NAF1: variants seen among roughly 807,000 people sequenced by gnomAD.
The protein encoded by NAF1 is H/ACA ribonucleoprotein complex non-core subunit NAF1.
NAF1 carries 11 observed loss-of-function variants against 40.6 expected under a neutral mutation model. That is an observed-to-expected ratio of 0.27 (90% CI 0.17 to 0.45). The LOEUF (loss-of-function observed/expected upper bound fraction) is 0.45, where lower values mean the gene tolerates loss of function less well. Among genes scored for constraint, NAF1 ranks in the 20% least tolerant of loss-of-function variants. The probability of loss-of-function intolerance (pLI) is 1.00; values close to 1 mark genes in which losing one functional copy is unlikely to be tolerated. For missense variants in NAF1, 607 were observed against 611.1 expected (o/e 0.99, Z 0.07); for synonymous variants, 260 against 228.5 (o/e 1.14, Z -1.24).
chr4:163,132,313 C>T (rs1730904343), intron 7 of NAF1, among the ~76,000 whole-genome samples: 3 of 152,118 alleles, frequency 2.0e-5, no homozygotes. Flanking sequence ...ATGGAAACAA[C>T]CTAGATGTCC....
chr4:163,150,836 A>G (rs977728573), intron 2 of NAF1, among the ~76,000 whole-genome samples: 1 of 152,146 alleles, frequency 6.6e-6, no homozygotes, highest in African/African-American at 2.4e-5. Context: ...TTTGACAGTT[A>G]CTGCTAAATT....
downstream of NAF1, among the ~76,000 whole-genome samples, chr4:163,126,352 G>C (rs562248423): frequency 6.6e-6 from 1 of 152,240 alleles, no homozygotes; most frequent in South Asian, 2.1e-4. Context: ...ATATTAACAG[G>C]AGTTTGGGAG....
At chr4:163,109,099 A>G (rs1031286322), downstream of NAF1, among the ~76,000 whole-genome samples, 17 of 151,970 alleles carry the variant, frequency 1.1e-4, no homozygotes, top group Non-Finnish European at 1.6e-4. Flanking sequence ...TGAGGAGCAG[A>G]AACAAGCTTT....
At position 163,128,855 on chromosome 4, in the gene NAF1, A is replaced by G; in HGVS notation, c.*42T>C. ...CTTGAAAAAAAAAAATCCTTACCAC[A>G]TAATATGAAAAGTCCACATTTCTCT... On this transcript the variant is annotated 3_prime_UTR_variant, in exon 8 of 8. Coordinates refer to ENST00000274054, the MANE Select transcript of NAF1 (RefSeq NM_138386.3). The G allele has an allele frequency of 2.0e-6, 3 of 1,476,676 alleles. No homozygotes were observed. Among genetic ancestry groups the G allele is most frequent in the Non-Finnish European group, 2.7e-6 (3 of 1,111,800 alleles). The allele number at this position is 1,476,676 out of a possible 1,614,324, so 91.5% of individuals were successfully genotyped here. A position where few individuals can be genotyped will look rare whatever the true frequency, so the allele number is the denominator to read the frequency against.
chr4:163,142,614 T>C (rs1257346817), intron 4 of NAF1, among the ~76,000 whole-genome samples: 2 of 152,208 alleles, frequency 1.3e-5, no homozygotes, highest in Non-Finnish European at 2.9e-5. Context: ...TATAAAGTTT[T>C]AAGTAAAACA....
rs555332893 is a variant in NAF1 at position 163,166,354 on chromosome 4, G to A, written c.365+9C>T. 80 of 1,580,858 alleles carry A rather than the reference G, an allele frequency of 5.1e-5. 1 individual carries two copies. The African/African-American group carries it at 9.1e-4, about 18-fold the overall frequency. On this transcript the variant is annotated intron_variant, in intron 1 of 7. Coordinates refer to ENST00000274054, the MANE Select transcript of NAF1 (RefSeq NM_138386.3). ...CTCCCCACAGCTCCGGGTCCCTTAG[G>A]CACCCGACCTGTCCGAGTCCGAATC...
At chr4:163,161,177 A>G (rs1000327065) in intron 2 of NAF1, among the ~76,000 whole-genome samples, 1 of 152,198 alleles carries the variant, frequency 6.6e-6, no homozygotes. Context: ...AGCTAGAATT[A>G]AAAAGATCAA....
chr4:163,137,052 G>A, intron 6 of NAF1, 147 bp downstream of exon 6: 1 of 856,730 alleles, frequency 1.2e-6, no homozygotes, highest in East Asian at 3.0e-5. Flanking sequence ...ATCTAGGACG[G>A]TGAGAGAATA....
downstream of NAF1, among the ~76,000 whole-genome samples, chr4:163,109,188 T>A (rs74533069): frequency 0.025 from 3,720 of 151,028 alleles, 84 homozygotes; most frequent in Non-Finnish European, 0.04. Context: ...ACATGGAAAC[T>A]TAATCTTGGA....
chr4:163,155,674 C>T (rs2111023633), intron 2 of NAF1, among the ~76,000 whole-genome samples: 1 of 152,302 alleles, frequency 6.6e-6, no homozygotes, highest in South Asian at 2.1e-4. Context: ...CCTGAAAACA[C>T]ACCTGCTGCC....
downstream of NAF1, chr4:163,127,172 C>A (rs1730685081): frequency 3.3e-6 from 5 of 1,524,316 alleles, no homozygotes; most frequent in South Asian, 1.3e-5. Flanking sequence ...CTCTGCCACC[C>A]AGGCTGGAGT....
At chr4:163,144,102 T>C in intron 4 of NAF1, 6 of 824,986 alleles carry the variant, frequency 7.3e-6, no homozygotes, top group Non-Finnish European at 8.8e-6. Flanking sequence ...AAGGAATCAG[T>C]AAAAATTTCC....
downstream of NAF1, among the ~76,000 whole-genome samples, chr4:163,122,796 T>C (rs1730552892): frequency 6.6e-6 from 1 of 152,172 alleles, no homozygotes; most frequent in Non-Finnish European, 1.5e-5. Flanking sequence ...CACCATGTGA[T>C]GACATAGCAA....
At chr4:163,157,151 C>T (rs1732019571) in intron 2 of NAF1, 1 of 152,098 alleles carries the variant, frequency 6.6e-6, no homozygotes, top group African/African-American at 2.4e-5. Flanking sequence ...TTATTTCCCA[C>T]ACACTACACA....
chr4:163,120,001 A>G (rs1730470121), intron 2 of NAF1: 1 of 152,268 alleles, frequency 6.6e-6, no homozygotes. Flanking sequence ...AACTGATGTT[A>G]AAGAAAATTA....
intron 5 of NAF1, among the ~76,000 whole-genome samples, chr4:163,137,700 T>C (rs1021184415): frequency 6.6e-6 from 1 of 152,138 alleles, no homozygotes; most frequent in Admixed American, 6.5e-5. Flanking sequence ...ATATGAATTA[T>C]TTTCTCCTCA....
chr4:163,139,137 T>C (rs1032806846), intron 5 of NAF1, among the ~76,000 whole-genome samples: 3 of 152,164 alleles, frequency 2.0e-5, no homozygotes, highest in Admixed American at 2.0e-4. Flanking sequence ...TGATTTAACA[T>C]GTAAGTGGTA....
chr4:163,123,000 T>C (rs1403524783), downstream of NAF1, among the ~76,000 whole-genome samples: 1 of 152,228 alleles, frequency 6.6e-6, no homozygotes, highest in Non-Finnish European at 1.5e-5. Flanking sequence ...TCTGTAATAG[T>C]CTGTTTTATA....
At chr4:163,133,817 TTG>T (rs1431048873) in intron 6 of NAF1, among the ~76,000 whole-genome samples, 1 of 152,048 alleles carries the variant, frequency 6.6e-6, no homozygotes, top group Non-Finnish European at 1.5e-5. Context: ...AAAAGCTTTT[TTG>T]TGTGTGTGTG....
Sources: gnomAD v4.1 joint callset for allele counts (sites outside exome capture counted in the v4.1 genomes callset) on GRCh38, gnomAD v4.1.1 for gene constraint, MANE v1.5 for transcripts, NCBI Gene and HGNC (gene_info 2026-07-23, HGNC 2026-07-21) for gene names.